Variants in PAN3 observed in about 807,000 individuals in gnomAD.
PAN3 encodes poly(A) specific ribonuclease subunit PAN3.
A neutral mutation model predicts 96.2 loss-of-function variants in PAN3; 19 were observed. That is an observed-to-expected ratio of 0.20 (90% CI 0.14 to 0.29). The LOEUF is 0.29. Among genes scored for constraint, PAN3 ranks in the 10% least tolerant of loss-of-function variants. The pLI, the probability that PAN3 is intolerant of heterozygous loss-of-function variation, is 1.00. For synonymous variants in PAN3, 433 were observed against 406.6 expected, an observed-to-expected ratio of 1.06 and a Z score of -0.78; for missense variants, 882 against 1,108.1, an observed-to-expected ratio of 0.80 and a Z score of 2.90.
At chr13:28,210,006 A>G (rs1879845828) in intron 5 of PAN3, among the ~76,000 whole-genome samples, 2 of 151,006 alleles carry the variant, frequency 1.3e-5, no homozygotes, top group Non-Finnish European at 3.0e-5. Context: ...CTGGTCTTGA[A>G]CTCCTGAGCT....
chr13:28,214,101 A>C (rs1880428576), intron 5 of PAN3, among the ~76,000 whole-genome samples: 1 of 152,212 alleles, frequency 6.6e-6, no homozygotes, highest in African/African-American at 2.4e-5. Context: ...AAGAAAAAAA[A>C]ATAAAAAATC....
At position 28,281,510 on chromosome 13, in the gene PAN3, A is replaced by G. The variant is rs549392095; in HGVS notation, c.2384+131A>G. On this transcript the variant is annotated intron_variant, in intron 17 of 18. Transcript: ENST00000380958. ...TGTGAAGTGACCTTAAGATTGTGTT[A>G]GCTGTTAAGGTGCTATTTTTAACAA... The G allele has an allele frequency of 1.1e-4, 96 of 840,424 alleles. 1 individual carries two copies. The highest frequency in any genetic ancestry group is 1.0e-3 in the Middle Eastern group (3 of 2,864). The allele number at this position is 840,424 out of a possible 1,614,324, so 52.1% of individuals were successfully genotyped here. A position where few individuals can be genotyped will look rare whatever the true frequency, so the allele number is the denominator to read the frequency against.
chr13:28,215,795 GA>G, intron 5 of PAN3: 1 of 1,395,704 alleles, frequency 7.2e-7, no homozygotes, highest in South Asian at 1.2e-5. Flanking sequence ...TTGGTGATGT[GA>G]GACAGACAGT....
At chr13:28,260,687 T>G (rs1885632253) in intron 8 of PAN3, 136 bp downstream of exon 8, 2 of 672,818 alleles carry the variant, frequency 3.0e-6, no homozygotes, top group East Asian at 6.0e-5. Context: ...TTTAGAAGTT[T>G]TAATTGGTAT....
chr13:28,198,746 A>G (rs1045113798), intron 5 of PAN3, among the ~76,000 whole-genome samples: 7 of 152,222 alleles, frequency 4.6e-5, no homozygotes, highest in African/African-American at 1.2e-4. Flanking sequence ...GGCAAAGCCT[A>G]TAATCCCACA....
Position 28,292,560 on chromosome 13 carries a change from C to T in PAN3, c.*38C>T, listed in dbSNP as rs971488078. ...AAGCACGCAGGACATGGCTAAAGAC[C>T]TTAACCAATAGCAAATTGCACTACA... On this transcript the variant is annotated 3_prime_UTR_variant, in exon 19 of 19. Coordinates refer to ENST00000380958, the MANE Select transcript of PAN3 (RefSeq NM_175854.8). 3 of 1,562,620 alleles carry T rather than the reference C, an allele frequency of 1.9e-6. No homozygotes were observed. Among genetic ancestry groups the T allele is most frequent in the Non-Finnish European group, 2.6e-6 (3 of 1,155,376 alleles).
chr13:28,266,955 T>G, intron 10 of PAN3, 79 bp downstream of exon 10: 2 of 1,298,794 alleles, frequency 1.5e-6, no homozygotes, highest in South Asian at 2.0e-5. Context: ...ATATATTATT[T>G]AATATATGAA....
intron 13 of PAN3, among the ~76,000 whole-genome samples, chr13:28,271,448 T>C (rs45598132): frequency 6.6e-6 from 1 of 152,230 alleles, no homozygotes; most frequent in Non-Finnish European, 1.5e-5. Flanking sequence ...TTTAAGTTCA[T>C]ATCCTGGCTT....
At chr13:28,208,235 T>C (rs958773986) in intron 5 of PAN3, among the ~76,000 whole-genome samples, 1 of 152,210 alleles carries the variant, frequency 6.6e-6, no homozygotes, top group Admixed American at 6.5e-5. Flanking sequence ...TTTACTGTTA[T>C]ATGGCTATGG....
intron 1 of PAN3, among the ~76,000 whole-genome samples, chr13:28,171,275 T>TTCTC (rs35922653): frequency 0.29 from 44,202 of 151,836 alleles, 9,138 homozygotes; most frequent in African/African-American, 0.59. Context: ...TGCTCCTGTT[T>TTCTC]TCTACTACAC....
intron 6 of PAN3, among the ~76,000 whole-genome samples, chr13:28,247,567 A>G (rs1445465649): frequency 6.6e-6 from 1 of 152,130 alleles, no homozygotes; most frequent in African/African-American, 2.4e-5. Flanking sequence ...CAAGTCTTAA[A>G]TTTAAGTCTT....
rs529578298 is a variant in PAN3, at chr13:28,145,419, G to A, written c.430+6332G>A. 1.2e-4 allele frequency among the ~76,000 whole-genome samples: 18 copies of A among 152,068 alleles called. No homozygotes were observed. In the East Asian group the frequency reaches 3.5e-3, roughly 30 times the overall value. Reference sequence around the variant, plus strand: ...TGCTAACTGCAACCTCCGCCTCCTGGGTTCAAGCAATTCTCATGCCATAGA... The same window carrying A: ...TGCTAACTGCAACCTCCGCCTCCTGAGTTCAAGCAATTCTCATGCCATAGA... On this transcript the variant is annotated intron_variant, in intron 1 of 18. Coordinates refer to ENST00000380958, the MANE Select transcript of PAN3 (RefSeq NM_175854.8).
At chr13:28,248,288 AGTTT>A (rs1450067087) in intron 6 of PAN3, among the ~76,000 whole-genome samples, 1 of 152,134 alleles carries the variant, frequency 6.6e-6, no homozygotes, top group Non-Finnish European at 1.5e-5. Flanking sequence ...ACTTTTACTA[AGTTT>A]GTTTATCACT....
intron 1 of PAN3, among the ~76,000 whole-genome samples, chr13:28,166,255 A>G (rs1305466747): frequency 6.6e-6 from 1 of 152,240 alleles, no homozygotes. Context: ...CAGACACAGG[A>G]TAGATACTTC....
chr13:28,155,355 C>T (rs1057285980), intron 1 of PAN3, among the ~76,000 whole-genome samples: 3 of 152,032 alleles, frequency 2.0e-5, no homozygotes, highest in African/African-American at 4.8e-5. Context: ...TTCGGGAGGC[C>T]GAGGCGGGTG....
At chr13:28,189,289 G>A (rs749470722) in intron 4 of PAN3, among the ~76,000 whole-genome samples, 14 of 152,244 alleles carry the variant, frequency 9.2e-5, no homozygotes, top group South Asian at 2.1e-4. Context: ...AGGCCACGCC[G>A]GGTGGATCAT....
At chr13:28,207,015 A>G (rs907402420) in intron 5 of PAN3, among the ~76,000 whole-genome samples, 2 of 152,146 alleles carry the variant, frequency 1.3e-5, no homozygotes, top group African/African-American at 4.8e-5. Context: ...TAAAATGAAC[A>G]CCAAGTTAGG....
intron 6 of PAN3, among the ~76,000 whole-genome samples, chr13:28,244,831 TTTTTA>T (rs1884024387): frequency 6.6e-6 from 1 of 152,066 alleles, no homozygotes; most frequent in African/African-American, 2.4e-5. Flanking sequence ...TTGGTTAATA[TTTTTA>T]TTTTGTTTTA....
chr13:28,154,807 GTTTTTT>G (rs111375555), intron 1 of PAN3, among the ~76,000 whole-genome samples: 1 of 137,670 alleles, frequency 7.3e-6, no homozygotes, highest in East Asian at 2.1e-4. Flanking sequence ...GACTTTGCAG[GTTTTTT>G]TTTTTTTTTC....
Sources: gnomAD v4.1 joint callset for allele counts (sites outside exome capture counted in the v4.1 genomes callset) on GRCh38, gnomAD v4.1.1 for gene constraint, MANE v1.5 for transcripts, NCBI Gene and HGNC (gene_info 2026-07-23, HGNC 2026-07-21) for gene names.